DLG2: variants seen among roughly 807,000 people sequenced by gnomAD.
DLG2 encodes the protein disks large homolog 2.
A neutral mutation model predicts 132.5 loss-of-function variants in DLG2; 45 were observed. That is an observed-to-expected ratio of 0.34 (90% CI 0.27 to 0.44). DLG2 has a LOEUF of 0.44. DLG2 is among the 20% of genes least tolerant of loss of function. The pLI, the probability that DLG2 is intolerant of heterozygous loss-of-function variation, is 1.00. For missense variants in DLG2, 1,045 were observed against 1,196.9 expected (o/e 0.87, Z 1.87); for synonymous variants, 424 against 419.6 (o/e 1.01, Z -0.13).
At chr11:84,778,663 G>A (rs1301468811) in intron 6 of DLG2, among the ~76,000 whole-genome samples, 1 of 152,022 alleles carries the variant, frequency 6.6e-6, no homozygotes, top group African/African-American at 2.4e-5. Context: ...TTCACCTTCT[G>A]TGATGGTTAA....
intron 7 of DLG2, among the ~76,000 whole-genome samples, chr11:84,394,892 T>C (rs1419675964): frequency 2.6e-5 from 4 of 152,160 alleles, no homozygotes; most frequent in African/African-American, 9.7e-5. Flanking sequence ...AGTGCTGAGA[T>C]TACAGGCGTG....
At chr11:84,739,504 T>C (rs996036920) in intron 6 of DLG2, among the ~76,000 whole-genome samples, 1 of 152,220 alleles carries the variant, frequency 6.6e-6, no homozygotes, top group Non-Finnish European at 1.5e-5. Context: ...ATGAGCACTT[T>C]ACCTGAGTTT....
chr11:83,618,836 ATAGT>A (rs1329399223), intron 19 of DLG2, among the ~76,000 whole-genome samples: 1 of 152,336 alleles, frequency 6.6e-6, no homozygotes, highest in East Asian at 1.9e-4. Context: ...AGACTCCATC[ATAGT>A]TAGCTTCTCA....
intron 19 of DLG2, among the ~76,000 whole-genome samples, chr11:83,583,770 A>T (rs774363153): frequency 1.3e-5 from 2 of 152,188 alleles, no homozygotes; most frequent in Admixed American, 1.3e-4. Flanking sequence ...TTGTTGTTCA[A>T]TTGATATGTT....
chr11:85,078,488 A>C (rs1196317153), intron 6 of DLG2, among the ~76,000 whole-genome samples: 1 of 151,930 alleles, frequency 6.6e-6, no homozygotes, highest in Non-Finnish European at 1.5e-5. Context: ...GGAAAGTAGT[A>C]AGACATATAG....
At chr11:84,000,078 T>A (rs1592751005) in intron 11 of DLG2, among the ~76,000 whole-genome samples, 1 of 152,024 alleles carries the variant, frequency 6.6e-6, no homozygotes, top group East Asian at 1.9e-4. Flanking sequence ...TTCTAAAGAA[T>A]CTCAGTGATA....
intron 16 of DLG2, among the ~76,000 whole-genome samples, chr11:83,871,513 G>A (rs760829290): frequency 1.3e-5 from 2 of 152,186 alleles, no homozygotes; most frequent in Non-Finnish European, 2.9e-5. Flanking sequence ...AGGAAGGAGA[G>A]TTTTCAAATA....
At position 84,502,201 on chromosome 11, in the gene DLG2, T is replaced by G. The variant is rs2099210739; in HGVS notation, c.519+32369A>C. ...TTCTCTCTCTTTCTCTCTCTCTCTC[T>G]CCTTCCTTCCTTCCTTCCTTCCTTC... On this transcript the variant is annotated intron_variant, in intron 7 of 27. Transcript: ENST00000376104. Among the ~76,000 whole-genome samples the G allele has an allele frequency of 3.3e-4, 2 of 6,002 alleles. 1 individual carries two copies. The highest frequency in any genetic ancestry group is 5.5e-4 in the Non-Finnish European group (2 of 3,646). The allele number at this position is 6,002 out of a possible 152,430, so 3.9% of individuals were successfully genotyped here.
At chr11:84,494,845 G>A (rs555650151) in intron 7 of DLG2, among the ~76,000 whole-genome samples, 2 of 152,222 alleles carry the variant, frequency 1.3e-5, no homozygotes, top group East Asian at 3.9e-4. Context: ...TCCAAAAGGA[G>A]CCTCCCTGCC....
chr11:85,020,025 T>A (rs1592781986), intron 6 of DLG2, among the ~76,000 whole-genome samples: 2 of 152,190 alleles, frequency 1.3e-5, no homozygotes, highest in East Asian at 3.8e-4. Flanking sequence ...TACTTCTAGA[T>A]CCTTGGGGAA....
At chr11:84,429,290 A>C (rs2098976769) in intron 7 of DLG2, among the ~76,000 whole-genome samples, 1 of 152,184 alleles carries the variant, frequency 6.6e-6, no homozygotes, top group Non-Finnish European at 1.5e-5. Flanking sequence ...CTGCAGTCTT[A>C]TAGAAAATCA....
At chr11:84,419,994 C>T (rs771477264) in intron 7 of DLG2, among the ~76,000 whole-genome samples, 1 of 152,140 alleles carries the variant, frequency 6.6e-6, no homozygotes, top group Non-Finnish European at 1.5e-5. Context: ...ACTCATTTCA[C>T]TAGAACAACA....
chr11:85,118,540 T>C (rs2073936656), intron 5 of DLG2, among the ~76,000 whole-genome samples: 1 of 152,052 alleles, frequency 6.6e-6, no homozygotes, highest in Non-Finnish European at 1.5e-5. Context: ...TGGAAACCAT[T>C]GTTGTGACTT....
intron 18 of DLG2, among the ~76,000 whole-genome samples, chr11:83,655,838 A>G (rs758558198): frequency 3.3e-5 from 5 of 152,166 alleles, no homozygotes; most frequent in Non-Finnish European, 5.9e-5. Flanking sequence ...CCCAATGTGT[A>G]TTTCTTTTCC....
intron 17 of DLG2, among the ~76,000 whole-genome samples, chr11:83,793,065 G>C (rs891266319): frequency 6.6e-6 from 1 of 151,882 alleles, no homozygotes; most frequent in Non-Finnish European, 1.5e-5. Flanking sequence ...TTGGATATTT[G>C]AATTTATTTT....
intron 3 of DLG2, among the ~76,000 whole-genome samples, chr11:85,311,506 T>A (rs1207922551): frequency 6.6e-6 from 1 of 152,098 alleles, no homozygotes; most frequent in African/African-American, 2.4e-5. Context: ...ATCAATAGAA[T>A]CATGACATCT....
chr11:84,389,766 T>C (rs1195201833), intron 7 of DLG2, among the ~76,000 whole-genome samples: 1 of 152,148 alleles, frequency 6.6e-6, no homozygotes, highest in Non-Finnish European at 1.5e-5. Flanking sequence ...AGAAATAAAA[T>C]TCTATTTCAT....
At chr11:84,539,356 A>C (rs1317810214) in intron 6 of DLG2, among the ~76,000 whole-genome samples, 1 of 152,182 alleles carries the variant, frequency 6.6e-6, no homozygotes, top group African/African-American at 2.4e-5. Context: ...AAATATTCTT[A>C]CACCCTGACT....
intron 9 of DLG2, among the ~76,000 whole-genome samples, chr11:84,124,663 C>G (rs2094082756): frequency 6.6e-6 from 1 of 152,042 alleles, no homozygotes; most frequent in Non-Finnish European, 1.5e-5. Flanking sequence ...CAAAGAGGTC[C>G]TAGACTTCCA....
Sources: gnomAD v4.1 joint callset for allele counts (sites outside exome capture counted in the v4.1 genomes callset) on GRCh38, gnomAD v4.1.1 for gene constraint, MANE v1.5 for transcripts, NCBI Gene and HGNC (gene_info 2026-07-23, HGNC 2026-07-21) for gene names.